The following DACH2 variants were observed in gnomAD, a reference collection of about 807,000 sequenced individuals.
DACH2 encodes the protein dachshund homolog 2.
Under a neutral mutation model 35.8 loss-of-function variants are expected in DACH2, and 17 were observed. The ratio of observed to expected loss-of-function variants is 0.48; its 90% confidence interval spans 0.33 to 0.71. The LOEUF is 0.71. Among genes scored for constraint, DACH2 ranks in the 30% least tolerant of loss-of-function variants. DACH2 has a pLI of 0.02. For synonymous variants in DACH2, 195 were observed against 177.3 expected (o/e 1.10, Z -0.79); for missense variants, 469 against 472.7 (o/e 0.99, Z 0.07).
rs752005295 is a variant in DACH2 at position 86,484,442 on chromosome X, GT to G, written c.528-29836del. Among the ~76,000 whole-genome samples, 849 of 111,834 alleles carry G rather than the reference GT, an allele frequency of 7.6e-3. 8 individuals are homozygous for G. Among genetic ancestry groups the G allele is most frequent in the African/African-American group, 0.026 (809 of 30,776 alleles). On this transcript the variant is annotated intron_variant, in intron 2 of 11. Transcript: ENST00000373125. ...GGAAAGGCATTGCTTTCAAACATGA[GT>G]AATTGATGAATTGTATGTAATATGC...
At chrX:86,819,731 A>T (rs34978728) in intron 11 of DACH2, among the ~76,000 whole-genome samples, 36,395 of 110,486 alleles carry the variant, frequency 0.33, 4,845 homozygotes, top group Middle Eastern at 0.43. Context: ...GATTGACTTA[A>T]CTTCACTTGG....
chrX:86,293,375 C>A (rs1244214547), intron 1 of DACH2, among the ~76,000 whole-genome samples: 1 of 108,421 alleles, frequency 9.2e-6, no homozygotes, highest in Non-Finnish European at 1.9e-5. Context: ...TCTTGACTAT[C>A]CAATTTGCCA....
At chrX:86,277,588 G>T in intron 1 of DACH2, among the ~76,000 whole-genome samples, 1 of 112,350 alleles carries the variant, frequency 8.9e-6, no homozygotes, top group East Asian at 2.8e-4. Context: ...GGGTTGTAAG[G>T]CAGCAGAGAC....
chrX:86,283,928 C>A (rs1191313642), intron 1 of DACH2, among the ~76,000 whole-genome samples: 1 of 109,807 alleles, frequency 9.1e-6, no homozygotes, highest in African/African-American at 3.4e-5. Context: ...ATATGAAATC[C>A]TGCTGACTTT....
At chrX:86,550,677 T>C (rs975049225) in intron 3 of DACH2, among the ~76,000 whole-genome samples, 7 of 111,125 alleles carry the variant, frequency 6.3e-5, no homozygotes, top group African/African-American at 2.0e-4. Flanking sequence ...CTGTGGGTAA[T>C]GCTGTTTGTT....
intron 10 of DACH2, among the ~76,000 whole-genome samples, 153 bp from the exon 11 acceptor site, chrX:86,815,881 C>A (rs2042446128): frequency 9.1e-6 from 1 of 109,865 alleles, no homozygotes; most frequent in South Asian, 3.8e-4. Flanking sequence ...TCCCTCCTAC[C>A]ATTAAAAACA....
chrX:86,211,238 G>T (rs1211477218), intron 1 of DACH2, among the ~76,000 whole-genome samples: 1 of 111,643 alleles, frequency 9.0e-6, no homozygotes, highest in East Asian at 2.8e-4. Context: ...TGGAAGCTAC[G>T]TTCTTGTTCT....
intron 1 of DACH2, among the ~76,000 whole-genome samples, chrX:86,202,065 A>C: frequency 8.9e-6 from 1 of 111,859 alleles, no homozygotes. Flanking sequence ...TCCTGCCTTC[A>C]CTAGATTATA....
intron 1 of DACH2, among the ~76,000 whole-genome samples, chrX:86,373,174 C>T (rs186329862): frequency 7.3e-4 from 81 of 110,471 alleles, no homozygotes; most frequent in African/African-American, 2.4e-3. Context: ...ATTTATTTTC[C>T]TTTGGTATGT....
intron 2 of DACH2, among the ~76,000 whole-genome samples, chrX:86,412,594 C>T (rs1035688642): frequency 4.5e-5 from 5 of 111,768 alleles, no homozygotes; most frequent in African/African-American, 9.8e-5. Context: ...AAAGTGAGGG[C>T]CTTGGTCAGA....
chrX:86,474,940 G>A (rs2037819286), intron 2 of DACH2, among the ~76,000 whole-genome samples: 1 of 110,991 alleles, frequency 9.0e-6, no homozygotes, highest in Non-Finnish European at 1.9e-5. Flanking sequence ...CACGATGTTG[G>A]CCAGGCTGGT....
At chrX:86,607,549 T>G (rs1023081583) in intron 3 of DACH2, among the ~76,000 whole-genome samples, 2 of 111,502 alleles carry the variant, frequency 1.8e-5, no homozygotes, top group Non-Finnish European at 3.8e-5. Context: ...TATATCTTAT[T>G]GTACTGTCTG....
In DACH2 at chrX:86,441,261, C is replaced by T. The variant is rs190698504; in HGVS notation, c.527+64399C>T. 7.9e-3 allele frequency among the ~76,000 whole-genome samples: 878 copies of T among 110,916 alleles called. 2 individuals carry two copies. Among genetic ancestry groups the T allele is most frequent in the Non-Finnish European group, 0.013 (705 of 52,905 alleles). ...GTTCATTAAACATCTCCACTTTTCT[C>T]CCTCCTCCCCAGTGCCCTTCCCAGC... On this transcript the variant is annotated intron_variant, in intron 2 of 11. Coordinates refer to ENST00000373125, the MANE Select transcript of DACH2 (RefSeq NM_053281.3).
chrX:86,578,827 A>T (rs2039467551), intron 3 of DACH2, among the ~76,000 whole-genome samples: 1 of 111,883 alleles, frequency 8.9e-6, no homozygotes, highest in Admixed American at 9.5e-5. Context: ...TATAATTGCT[A>T]CATTCTCTTT....
At chrX:86,689,127 T>G (rs2148439805) in intron 4 of DACH2, among the ~76,000 whole-genome samples, 1 of 111,724 alleles carries the variant, frequency 9.0e-6, no homozygotes, top group South Asian at 3.7e-4. Flanking sequence ...ATAAACTAGT[T>G]GAGACCTTCT....
intron 7 of DACH2, among the ~76,000 whole-genome samples, chrX:86,806,989 G>A (rs2042351061): frequency 9.0e-6 from 1 of 111,573 alleles, no homozygotes; most frequent in South Asian, 3.7e-4. Context: ...ACCACTAGAT[G>A]TCAGCAGTAT....
intron 3 of DACH2, among the ~76,000 whole-genome samples, chrX:86,537,513 C>A (rs2038820732): frequency 8.9e-6 from 1 of 111,812 alleles, no homozygotes; most frequent in African/African-American, 3.3e-5. Context: ...TGCTTTCATT[C>A]TCTAACACAG....
intron 3 of DACH2, among the ~76,000 whole-genome samples, chrX:86,549,569 A>AT (rs1250771293): frequency 1.8e-5 from 2 of 108,525 alleles, no homozygotes; most frequent in East Asian, 2.9e-4. Flanking sequence ...TACTATTTAT[A>AT]TTTTTTTAAA....
intron 1 of DACH2, among the ~76,000 whole-genome samples, chrX:86,260,345 C>T (rs1314140092): frequency 9.0e-6 from 1 of 111,046 alleles, no homozygotes; most frequent in Admixed American, 9.6e-5. Flanking sequence ...CTGATACTCT[C>T]AAGAACCTCC....
Sources: gnomAD v4.1 joint callset for allele counts (sites outside exome capture counted in the v4.1 genomes callset) on GRCh38, gnomAD v4.1.1 for gene constraint, MANE v1.5 for transcripts, NCBI Gene and HGNC (gene_info 2026-07-23, HGNC 2026-07-21) for gene names.